Variants in TJP1 observed in about 807,000 individuals in gnomAD.
The protein encoded by TJP1 is tight junction protein ZO-1.
TJP1 carries 43 observed loss-of-function variants against 194.2 expected under a neutral mutation model. The observed-to-expected ratio is 0.22, with a 90% confidence interval of 0.17 to 0.29. The LOEUF (loss-of-function observed/expected upper bound fraction) is 0.29, where lower values mean the gene tolerates loss of function less well. Ranked by LOEUF, TJP1 falls within the 10% of genes least tolerant of loss-of-function variation. The probability of loss-of-function intolerance (pLI) is 1.00; values close to 1 mark genes in which losing one functional copy is unlikely to be tolerated. For synonymous variants in TJP1, 801 were observed against 779.0 expected, an observed-to-expected ratio of 1.03 and a Z score of -0.47; for missense variants, 1,971 against 2,185.7, an observed-to-expected ratio of 0.90 and a Z score of 1.96.
At chr15:29,907,793 C>T (rs936568893) in intron 2 of TJP1, among the ~76,000 whole-genome samples, 9 of 151,892 alleles carry the variant, frequency 5.9e-5, no homozygotes, top group East Asian at 1.9e-4. Flanking sequence ...CCCAGGTTCC[C>T]GCGACCTCTT....
chr15:29,761,502 T>C, intron 7 of TJP1, 99 bp downstream of exon 7: 1 of 1,442,438 alleles, frequency 6.9e-7, no homozygotes, highest in Non-Finnish European at 9.3e-7. Context: ...GGTGTTTGGC[T>C]GGTAGAAAAT....
At chr15:29,777,616 A>C (rs1303186075) in intron 2 of TJP1, among the ~76,000 whole-genome samples, 7 of 152,204 alleles carry the variant, frequency 4.6e-5, no homozygotes, top group Admixed American at 4.6e-4. Context: ...ATTTCAGAAA[A>C]GGGAGGCTAT....
rs893008716 is a variant in TJP1 at position 29,925,622 on chromosome 15, G to A, written c.306+30610C>T. ...ACAAATACACGCACCCTTTTTTCTA[G>A]TATGGGCTGTTCTTAAAGGTATGTG... On this transcript the variant is annotated intron_variant, in intron 2 of 28. Transcript: ENST00000356107. Among the ~76,000 whole-genome samples, 7 of 152,074 alleles carry A rather than the reference G, an allele frequency of 4.6e-5. No individual in the cohort carries two copies. In the East Asian group the frequency reaches 1.3e-3, roughly 29 times the overall value.
At chr15:29,790,135 GT>G (rs1224950904) in intron 2 of TJP1, among the ~76,000 whole-genome samples, 1 of 152,204 alleles carries the variant, frequency 6.6e-6, no homozygotes, top group Non-Finnish European at 1.5e-5. Flanking sequence ...CGGCTGCAGG[GT>G]TGAGTAGTTT....
At chr15:29,829,822 C>G (rs560631988) in intron 2 of TJP1, among the ~76,000 whole-genome samples, 1 of 151,852 alleles carries the variant, frequency 6.6e-6, no homozygotes, top group African/African-American at 2.4e-5. Context: ...GGTAAGCATA[C>G]TTTTTATTTT....
At position 29,834,940 on chromosome 15, in the gene TJP1, A is replaced by G. The variant is rs1417063049; in HGVS notation, c.307-34238T>C. Among the ~76,000 whole-genome samples the G allele has an allele frequency of 6.6e-5, 10 of 152,374 alleles. No homozygotes were observed. The East Asian group carries it at 1.9e-3, about 29-fold the overall frequency. On this transcript the variant is annotated intron_variant, in intron 2 of 28. Coordinates refer to the TJP1 transcript ENST00000356107. ...AATAATAAAATAATGTTCTCTTAAC[A>G]AAGTGTGGACACACATGGCGAAGGC... is the stretch of plus-strand genomic sequence containing the variant.
At chr15:29,782,095 T>G (rs1456762234) in intron 2 of TJP1, among the ~76,000 whole-genome samples, 1 of 152,200 alleles carries the variant, frequency 6.6e-6, no homozygotes, top group Non-Finnish European at 1.5e-5. Context: ...CAAAAGCTCC[T>G]TAAGCTGATA....
rs186669536 is a variant in TJP1 at position 29,804,278 on chromosome 15, T to A, written c.28-3576A>T. On this transcript the variant is annotated intron_variant, in intron 1 of 27. Coordinates refer to ENST00000614355, the MANE Select transcript of TJP1 (RefSeq NM_001330239.4). ...AATGGTAGAATCTTAGTGGTTGGGA[T>A]TCAGGTAACCATGGCAGACTGCTTT... Among the ~76,000 whole-genome samples, 5 of 152,256 alleles carry A rather than the reference T, an allele frequency of 3.3e-5. No homozygotes were observed. In the East Asian group the frequency reaches 9.7e-4, roughly 29 times the overall value.
intron 2 of TJP1, among the ~76,000 whole-genome samples, chr15:29,851,017 A>G (rs1244708132): frequency 6.6e-6 from 1 of 152,102 alleles, no homozygotes; most frequent in Non-Finnish European, 1.5e-5. Flanking sequence ...ATGTGCCCGT[A>G]ATTCCAGATA....
intron 11 of TJP1, 72 bp downstream of exon 11, chr15:29,737,192 G>A: frequency 1.9e-6 from 3 of 1,546,718 alleles, no homozygotes; most frequent in Non-Finnish European, 2.6e-6. Context: ...ACAATAGTAA[G>A]CTTGTTGTTT....
At chr15:29,789,666 G>T (rs2047944183) in intron 2 of TJP1, among the ~76,000 whole-genome samples, 1 of 152,106 alleles carries the variant, frequency 6.6e-6, no homozygotes, top group African/African-American at 2.4e-5. Flanking sequence ...TCAATTAAAT[G>T]GCTTTTTTAT....
chr15:29,833,920 G>A (rs2050933454), intron 2 of TJP1, among the ~76,000 whole-genome samples: 1 of 56,836 alleles, frequency 1.8e-5, no homozygotes, highest in Non-Finnish European at 3.2e-5. Flanking sequence ...GTCTTGCTCT[G>A]TCCCCAGGCT....
chr15:29,799,004 G>A (rs546138312), intron 2 of TJP1, among the ~76,000 whole-genome samples: 10 of 152,268 alleles, frequency 6.6e-5, no homozygotes, highest in East Asian at 1.9e-4. Context: ...TGAGGGGACC[G>A]GGATGATTAA....
chr15:29,731,645 T>A (rs1258507835), intron 15 of TJP1, among the ~76,000 whole-genome samples: 1 of 152,176 alleles, frequency 6.6e-6, no homozygotes, highest in African/African-American at 2.4e-5. Context: ...GAAGACTTCA[T>A]TGGGTTTTAT....
chr15:29,848,759 T>A (rs1227354218), intron 2 of TJP1, among the ~76,000 whole-genome samples: 2 of 152,006 alleles, frequency 1.3e-5, no homozygotes, highest in East Asian at 3.9e-4. Flanking sequence ...CTTGGGAGGC[T>A]GAGGCAGGAG....
At position 29,833,878 on chromosome 15, in the gene TJP1, TATA is replaced by T. The variant is rs1180806487; in HGVS notation, c.307-33179_307-33177del. Among the ~76,000 whole-genome samples, 101 of 21,648 alleles carry T rather than the reference TATA, an allele frequency of 4.7e-3. 3 individuals carry two copies. The highest frequency in any genetic ancestry group is 0.013 in the South Asian group (7 of 544). 14.2% of individuals were successfully genotyped at this position (21,648 alleles called of 152,430 possible). ...GTAAGTATATATATATATATATATA[TATA>T]TTTTTTTTTTTTTTTTTTTTGAGAC... On this transcript the variant is annotated intron_variant, in intron 2 of 28. Coordinates refer to the TJP1 transcript ENST00000356107.
At chr15:29,912,447 C>T (rs569612832) in intron 2 of TJP1, among the ~76,000 whole-genome samples, 3 of 152,250 alleles carry the variant, frequency 2.0e-5, no homozygotes, top group African/African-American at 7.2e-5. Context: ...TGGTGGCTCA[C>T]GCCTGTAATC....
chr15:29,726,442 A>G lies in TJP1; in HGVS notation c.2349T>C (p.Tyr783=). ...INLNSMNDGW[Y]GALKEAIQQQ... ...GTTGAATTGCTTCTTTCAGCGCACC[A>G]TACCAACCATCATTCATTGAATTTA... The change falls in exon 18 of 28, where the codon TAT becomes TAC. Residue 783 remains tyrosine, a synonymous_variant. Coordinates refer to ENST00000614355, the MANE Select transcript of TJP1 (RefSeq NM_001330239.4). The G allele has an allele frequency of 6.2e-7, 1 of 1,614,116 alleles. No homozygotes were observed. Among genetic ancestry groups the G allele is most frequent in the Non-Finnish European group, 8.5e-7 (1 of 1,179,982 alleles).
At chr15:29,836,120 T>A in intron 2 of TJP1, among the ~76,000 whole-genome samples, 1 of 152,156 alleles carries the variant, frequency 6.6e-6, no homozygotes, top group East Asian at 1.9e-4. Context: ...CACTGTGGTG[T>A]CAGGAGGAGG....
Sources: gnomAD v4.1 joint callset for allele counts (sites outside exome capture counted in the v4.1 genomes callset) on GRCh38, gnomAD v4.1.1 for gene constraint, MANE v1.5 for transcripts, NCBI Gene and HGNC (gene_info 2026-07-23, HGNC 2026-07-21) for gene names.